The following PCCA variants were observed in gnomAD, a reference collection of about 807,000 sequenced individuals.
PCCA encodes the protein propionyl-CoA carboxylase alpha chain, mitochondrial.
PCCA carries 74 observed loss-of-function variants against 101.3 expected under a neutral mutation model. The observed-to-expected ratio is 0.73, with a 90% confidence interval of 0.61 to 0.89. The LOEUF (loss-of-function observed/expected upper bound fraction) is 0.89. Among genes scored for constraint, PCCA ranks in the 40% least tolerant of loss-of-function variants. PCCA has a pLI of 0.00. For synonymous variants in PCCA, 294 were observed against 313.6 expected (o/e 0.94, Z 0.66); for missense variants, 891 against 907.0 (o/e 0.98, Z 0.23).
intron 21 of PCCA, among the ~76,000 whole-genome samples, chr13:100,470,517 C>T (rs2082921749): frequency 6.6e-6 from 1 of 151,982 alleles, no homozygotes; most frequent in Non-Finnish European, 1.5e-5. Flanking sequence ...TGTACAAGAC[C>T]CCCTAAGACT....
chr13:100,183,997 C>G (rs1017499626), intron 6 of PCCA, among the ~76,000 whole-genome samples: 1 of 152,088 alleles, frequency 6.6e-6, no homozygotes, highest in Non-Finnish European at 1.5e-5. Context: ...AAAGAAATGC[C>G]TGAGACTGGG....
At chr13:100,123,701 G>T (rs769778304) in intron 4 of PCCA, among the ~76,000 whole-genome samples, 34 of 152,092 alleles carry the variant, frequency 2.2e-4, no homozygotes, top group Admixed American at 7.2e-4. Flanking sequence ...TTGATGGGGA[G>T]TAGCCTAACA....
chr13:100,277,765 A>G (rs2063770415), intron 12 of PCCA, among the ~76,000 whole-genome samples: 1 of 152,188 alleles, frequency 6.6e-6, no homozygotes, highest in Non-Finnish European at 1.5e-5. Context: ...CTGCAGTGTA[A>G]GAGTATACCC....
chr13:100,234,294 C>T (rs541928159), intron 7 of PCCA, among the ~76,000 whole-genome samples: 36 of 152,282 alleles, frequency 2.4e-4, no homozygotes, highest in East Asian at 1.9e-4. Context: ...TGACCCTTTT[C>T]ATGGATTTTC....
chr13:100,259,098 C>G (rs1394622205), intron 9 of PCCA, among the ~76,000 whole-genome samples: 1 of 152,154 alleles, frequency 6.6e-6, no homozygotes, highest in Non-Finnish European at 1.5e-5. Context: ...CTTATCCACC[C>G]CTTCTTTTCC....
chr13:100,271,371 C>T (rs2063302779), intron 11 of PCCA, among the ~76,000 whole-genome samples: 3 of 151,734 alleles, frequency 2.0e-5, no homozygotes, highest in Admixed American at 6.6e-5. Flanking sequence ...GTACACTTCC[C>T]ACCTGTGAAC....
chr13:100,343,218 A>C (rs1317951016), intron 18 of PCCA, among the ~76,000 whole-genome samples: 1 of 152,136 alleles, frequency 6.6e-6, no homozygotes, highest in Non-Finnish European at 1.5e-5. Flanking sequence ...AAATAAGCTA[A>C]ACAATCTAAT....
At chr13:100,505,819 C>T (rs2086025740) in intron 21 of PCCA, among the ~76,000 whole-genome samples, 1 of 150,908 alleles carries the variant, frequency 6.6e-6, no homozygotes, top group Non-Finnish European at 1.5e-5. Flanking sequence ...GTGAGCCATG[C>T]CTGGGTGCCA....
At chr13:100,114,366 C>T (rs112922175) in intron 4 of PCCA, among the ~76,000 whole-genome samples, 94 of 152,258 alleles carry the variant, frequency 6.2e-4, no homozygotes, top group African/African-American at 2.2e-3. Flanking sequence ...CACTTGAGGT[C>T]ATGAGTTTGA....
At chr13:100,204,584 A>G (rs1264372316) in intron 6 of PCCA, among the ~76,000 whole-genome samples, 1 of 152,228 alleles carries the variant, frequency 6.6e-6, no homozygotes, top group Non-Finnish European at 1.5e-5. Flanking sequence ...TGAAATATGT[A>G]TCATACATTT....
At chr13:100,250,438 T>C (rs1270845755) in intron 8 of PCCA, among the ~76,000 whole-genome samples, 1 of 152,146 alleles carries the variant, frequency 6.6e-6, no homozygotes, top group African/African-American at 2.4e-5. Context: ...ATTCTTTTTA[T>C]ATATTATTGG....
At chr13:100,359,648 G>A (rs1032303342) in intron 18 of PCCA, among the ~76,000 whole-genome samples, 4 of 152,192 alleles carry the variant, frequency 2.6e-5, no homozygotes, top group Non-Finnish European at 5.9e-5. Flanking sequence ...GGAGCCTAAT[G>A]ATTGCAAAGG....
intron 19 of PCCA, among the ~76,000 whole-genome samples, chr13:100,417,297 A>G (rs913125338): frequency 1.3e-5 from 2 of 152,218 alleles, no homozygotes; most frequent in Admixed American, 6.5e-5. Context: ...TATAATGCCA[A>G]TAGTTTAAAT....
intron 21 of PCCA, chr13:100,464,331 G>GTCCTCAAT (rs1478533467): frequency 6.6e-6 from 1 of 152,078 alleles, no homozygotes; most frequent in Non-Finnish European, 1.5e-5. Flanking sequence ...AACCTCCCTG[G>GTCCTCAAT]TCCTCAATTT....
intron 18 of PCCA, among the ~76,000 whole-genome samples, chr13:100,359,993 C>A (rs1391254306): frequency 6.6e-6 from 1 of 152,062 alleles, no homozygotes; most frequent in Non-Finnish European, 1.5e-5. Flanking sequence ...TTGTATTAGT[C>A]CATTTTCACC....
At chr13:100,508,076 G>A (rs837293) in intron 21 of PCCA, among the ~76,000 whole-genome samples, 2,725 of 152,234 alleles carry the variant, frequency 0.018, 83 homozygotes, top group African/African-American at 0.062. Context: ...AACAAAGGAT[G>A]AGGCTAGATT....
intron 4 of PCCA, chr13:100,150,567 C>G (rs563936918): frequency 1.6e-6 from 2 of 1,259,106 alleles, no homozygotes; most frequent in South Asian, 2.4e-5. Context: ...AACTTACGGC[C>G]GTTTCCAAGG....
At chr13:100,387,069 C>T (rs2076550649) in intron 19 of PCCA, among the ~76,000 whole-genome samples, 2 of 152,104 alleles carry the variant, frequency 1.3e-5, no homozygotes, top group Non-Finnish European at 2.9e-5. Flanking sequence ...AAGCAGCTGG[C>T]TCATTAAATG....
chr13:100,270,694 A>G (rs1010659747), intron 11 of PCCA, among the ~76,000 whole-genome samples: 2 of 152,130 alleles, frequency 1.3e-5, no homozygotes, highest in African/African-American at 2.4e-5. Context: ...AAATAAATGG[A>G]ATGTGTAGTT....
Sources: allele counts gnomAD v4.1 joint callset (sites outside exome capture counted in the v4.1 genomes callset), GRCh38; gene constraint gnomAD v4.1.1; transcripts MANE v1.5; gene names NCBI Gene and HGNC (gene_info 2026-07-23, HGNC 2026-07-21).